The following ABLIM2 variants were observed in gnomAD, a reference collection of about 807,000 sequenced individuals.
ABLIM2 encodes the protein actin-binding LIM protein 2.
ABLIM2 carries 53 observed loss-of-function variants against 97.7 expected under a neutral mutation model. That is an observed-to-expected ratio of 0.54 (90% CI 0.44 to 0.68). The LOEUF (loss-of-function observed/expected upper bound fraction) is 0.68, where lower values mean the gene tolerates loss of function less well. ABLIM2 is among the 30% of genes least tolerant of loss of function. The pLI is 0.00. For missense variants in ABLIM2, 835 were observed against 867.2 expected (o/e 0.96, Z 0.47); for synonymous variants, 361 against 345.8 (o/e 1.04, Z -0.49).
intron 16 of ABLIM2, chr4:7,993,988 C>G (rs1014102378): frequency 2.0e-6 from 1 of 497,784 alleles, no homozygotes; most frequent in Non-Finnish European, 4.0e-6. Flanking sequence ...GAACGCCTGC[C>G]TGGCTCAGAG....
rs368677220 is a variant in ABLIM2, at chr4:8,004,564, G to C, written c.1618+3495C>G. Among the ~76,000 whole-genome samples the C allele has an allele frequency of 2.4e-3, 359 of 152,174 alleles. 2 individuals are homozygous for C. Among genetic ancestry groups the C allele is most frequent in the African/African-American group, 8.2e-3 (341 of 41,524 alleles). ...TTATGCTGACACGCCTCTGACCTTC[G>C]AGGGTGGGACGTGAGAGACCTCAAA... On this transcript the variant is annotated intron_variant, in intron 16 of 20. Coordinates refer to ENST00000447017, the MANE Select transcript of ABLIM2 (RefSeq NM_001130083.2). The surrounding 1 kb of genome is among the most constrained non-coding windows in gnomAD (Gnocchi z 5.9).
At chr4:8,088,324 T>C (rs2152516561) in intron 3 of ABLIM2, 40 bp from the exon 4 acceptor site, 2 of 1,553,000 alleles carry the variant, frequency 1.3e-6, no homozygotes, top group Non-Finnish European at 1.8e-6. Context: ...GCCCACCTTC[T>C]GGCTCCTCTC....
chr4:8,150,507 C>T lies in ABLIM2; in HGVS notation c.10+8173G>A, dbSNP rs866824598. 6.6e-6 allele frequency among the ~76,000 whole-genome samples: 1 copy of T among 152,192 alleles called. No homozygotes were observed. Among genetic ancestry groups the T allele is most frequent in the African/African-American group, 2.4e-5 (1 of 41,442 alleles). On this transcript the variant is annotated intron_variant, in intron 1 of 20. Transcript: ENST00000447017. The surrounding 1 kb of genome is among the most constrained non-coding windows in gnomAD (Gnocchi z 6.3). ...GTGACACTGAGCACTTTTCTTGGTGCGCTGGCTGGACTCACATTTCCAGAT... is the reference window on the plus strand; with the variant it reads ...GTGACACTGAGCACTTTTCTTGGTGTGCTGGCTGGACTCACATTTCCAGAT...
chr4:8,077,017 G>T lies in ABLIM2; in HGVS notation c.675+611C>A, dbSNP rs546075908. Among the ~76,000 whole-genome samples, 23 of 137,180 alleles carry T rather than the reference G, an allele frequency of 1.7e-4. No homozygotes were observed. In the East Asian group the frequency reaches 2.8e-3, roughly 17 times the overall value. The allele number at this position is 137,180 out of a possible 152,430, so 90.0% of individuals were successfully genotyped here. On this transcript the variant is annotated intron_variant, in intron 6 of 20. Transcript: ENST00000447017. ...GTGGGCTGCAGGATGGGGGTTGGGG[G>T]TCTGTGAATCCGAAGGGTGGGCTGC...
chr4:8,049,340 A>G (rs1366401952), intron 8 of ABLIM2, among the ~76,000 whole-genome samples: 1 of 151,928 alleles, frequency 6.6e-6, no homozygotes, highest in Non-Finnish European at 1.5e-5. Flanking sequence ...CATCCTTCTC[A>G]CCTCCGCTGA....
intron 1 of ABLIM2, 99 bp downstream of exon 1, chr4:8,158,581 T>C (rs1716197141): frequency 2.1e-6 from 3 of 1,399,990 alleles, no homozygotes; most frequent in African/African-American, 1.5e-5. Flanking sequence ...TGGGTGATTT[T>C]CCCCGGCGTT....
At position 8,065,919 on chromosome 4, in the gene ABLIM2, A is replaced by G. The variant is rs188317489; in HGVS notation, c.676-4865T>C. Among the ~76,000 whole-genome samples the G allele has an allele frequency of 1.6e-3, 235 of 144,808 alleles. 3 individuals carry two copies. The highest frequency in any genetic ancestry group is 4.9e-3 in the African/African-American group (194 of 39,438). The allele number at this position is 144,808 out of a possible 152,430, so 95.0% of individuals were successfully genotyped here. A position where few individuals can be genotyped will look rare whatever the true frequency, so the allele number is the denominator to read the frequency against. On this transcript the variant is annotated intron_variant, in intron 6 of 20. Coordinates refer to ENST00000447017, the MANE Select transcript of ABLIM2 (RefSeq NM_001130083.2). ...AGCCTAAGCAACAGTGCAAGACTCC[A>G]GAAAGAAGGAAAGGAAGGAAAGAAG...
intron 4 of ABLIM2, among the ~76,000 whole-genome samples, chr4:8,084,819 A>G (rs1169444646): frequency 2.6e-5 from 4 of 152,138 alleles, no homozygotes; most frequent in Non-Finnish European, 5.9e-5. Flanking sequence ...AGGCCCAGAG[A>G]GGGGACACCT....
chr4:7,975,172 T>A (rs1731954444), intron 20 of ABLIM2, among the ~76,000 whole-genome samples: 1 of 152,210 alleles, frequency 6.6e-6, no homozygotes, highest in South Asian at 2.1e-4. Flanking sequence ...GAGTTGTGAC[T>A]GTGCCACTGC....
At chr4:8,011,422 A>T (rs146839681) in intron 14 of ABLIM2, among the ~76,000 whole-genome samples, 1 of 152,356 alleles carries the variant, frequency 6.6e-6, no homozygotes, top group Non-Finnish European at 1.5e-5. Context: ...GGGTAGGAAA[A>T]GACAGGAAAC....
rs956095244 is a variant in ABLIM2 at position 7,992,305 on chromosome 4, G to A, written c.1680+561C>T. On this transcript the variant is annotated intron_variant, in intron 17 of 20. Transcript: ENST00000447017. The surrounding 1 kb of genome is among the most constrained non-coding windows in gnomAD (Gnocchi z 5.7). ...CCCAAGCATCAGAAAACTCAGGGTA[G>A]GAGGTGGCACCAGTCTTCAGCTAGG... Among the ~76,000 whole-genome samples, 2 of 152,212 alleles carry A rather than the reference G, an allele frequency of 1.3e-5. No homozygotes were observed. The highest frequency in any genetic ancestry group is 2.9e-5 in the Non-Finnish European group (2 of 68,038).
At position 8,009,227 on chromosome 4, in the gene ABLIM2, G is replaced by C. The variant is rs1283217321; in HGVS notation, c.1424-125C>G. 5 of 1,188,214 alleles carry C rather than the reference G, an allele frequency of 4.2e-6. No individual in the cohort carries two copies. In the African/African-American group the frequency reaches 7.5e-5, roughly 18 times the overall value. 73.6% of individuals were successfully genotyped at this position (1,188,214 alleles called of 1,614,324 possible). ...CAATCAAAGAGAAGGTCAGTAGTAC[G>C]AGTGCCTTTCAAAGGGCAAGGAACA... On this transcript the variant is annotated intron_variant, in intron 14 of 20. Transcript: ENST00000447017.
Position 8,147,038 on chromosome 4 carries a change from C to A in ABLIM2, c.10+11642G>T, listed in dbSNP as rs916241634. Among the ~76,000 whole-genome samples, 1 of 152,166 alleles carries A rather than the reference C, an allele frequency of 6.6e-6. No individual in the cohort carries two copies. The highest frequency in any genetic ancestry group is 2.4e-5 in the African/African-American group (1 of 41,426). ...TTGCAGAGCATGTAACCCCTGCAAT[C>A]AACGGCTTTTTATTTCTGAAATTCA... is the stretch of plus-strand genomic sequence containing the variant. On this transcript the variant is annotated intron_variant, in intron 1 of 20. Coordinates refer to ENST00000447017, the MANE Select transcript of ABLIM2 (RefSeq NM_001130083.2). This position sits in a 1 kb window ranked among gnomAD's most constrained non-coding sequence, Gnocchi z 5.3.
In ABLIM2 at chr4:8,045,186, C is replaced by A. The variant is rs201371843; in HGVS notation, c.878G>T (p.Gly293Val). ...IISVPASSTS[G>V]SPSRVIYAKL... ...TACATAAATCACACGGCTCGGAGACCCTGAGGTGCTGGAAGCAGGGACAGA... is the reference window on the plus strand; with the variant it reads ...TACATAAATCACACGGCTCGGAGACACTGAGGTGCTGGAAGCAGGGACAGA... Residue 293 changes from glycine (G) to valine (V), a missense_variant, in exon 9 of 21, where the codon GGG (glycine) becomes GTG (valine). Coordinates refer to ENST00000447017, the MANE Select transcript of ABLIM2 (RefSeq NM_001130083.2). 2.8e-4 allele frequency: 455 copies of A among 1,613,840 alleles called. No homozygotes were observed. Among genetic ancestry groups the A allele is most frequent in the Non-Finnish European group, 3.8e-4 (446 of 1,179,854 alleles).
intron 14 of ABLIM2, among the ~76,000 whole-genome samples, chr4:8,014,967 T>G (rs1050338857): frequency 1.3e-5 from 2 of 151,518 alleles, no homozygotes; most frequent in African/African-American, 4.9e-5. Context: ...GTCACCCAGG[T>G]TGGAGTGCAA....
intron 20 of ABLIM2, among the ~76,000 whole-genome samples, chr4:7,974,384 C>T (rs147438163): frequency 1.3e-3 from 156 of 121,238 alleles, no homozygotes; most frequent in South Asian, 2.0e-3. Context: ...TCCATCCACC[C>T]ATCCACCCAT....
intron 9 of ABLIM2, among the ~76,000 whole-genome samples, chr4:8,037,410 CCTGT>C (rs1560838753): frequency 6.6e-6 from 1 of 151,976 alleles, no homozygotes; most frequent in East Asian, 1.9e-4. Context: ...AGAGAACATG[CCTGT>C]CTGAGACTGT....
At chr4:8,121,278 G>A (rs1317601740) in intron 1 of ABLIM2, among the ~76,000 whole-genome samples, 1 of 152,256 alleles carries the variant, frequency 6.6e-6, no homozygotes, top group Non-Finnish European at 1.5e-5. Context: ...AGAGCTGGGA[G>A]AGACGGTACT....
rs1015530226 is a variant in ABLIM2, at chr4:8,058,350, G to A, written c.763+2617C>T. Among the ~76,000 whole-genome samples the A allele has an allele frequency of 6.6e-5, 10 of 152,156 alleles. No homozygotes were observed. Among genetic ancestry groups the A allele is most frequent in the African/African-American group, 1.4e-4 (6 of 41,442 alleles). ...AGGCTGTCCTGTCTGACATCACCCC[G>A]CTGGGTTCGGCCTGAGAAAGGCAGG... On this transcript the variant is annotated intron_variant, in intron 7 of 20. Coordinates refer to ENST00000447017, the MANE Select transcript of ABLIM2 (RefSeq NM_001130083.2). The surrounding 1 kb of genome is among the most constrained non-coding windows in gnomAD (Gnocchi z 4.2).
Sources: gnomAD v4.1 joint callset for allele counts (sites outside exome capture counted in the v4.1 genomes callset) on GRCh38, gnomAD v4.1.1 for gene constraint, Gnocchi (gnomAD v3.1) non-coding constraint, MANE v1.5 for transcripts, NCBI Gene and HGNC (gene_info 2026-07-23, HGNC 2026-07-21) for gene names.